NKD2: variants seen among roughly 807,000 people sequenced by gnomAD.
The protein encoded by NKD2 is NKD inhibitor of Wnt signaling pathway 2.
NKD2 carries 43 observed loss-of-function variants against 34.8 expected under a neutral mutation model. That is an observed-to-expected ratio of 1.24 (90% CI 0.97 to 1.60). The LOEUF is 1.60. Among genes scored for constraint, NKD2 ranks in the 40% most tolerant of loss-of-function variants. The pLI, the probability that NKD2 is intolerant of heterozygous loss-of-function variation, is 0.00. For missense variants in NKD2, 675 were observed against 627.1 expected (o/e 1.08, Z -0.82); for synonymous variants, 278 against 265.1 (o/e 1.05, Z -0.47).
intron 3 of NKD2, among the ~76,000 whole-genome samples, chr5:1,011,052 C>T (rs1021164043): frequency 1.3e-5 from 2 of 152,304 alleles, no homozygotes; most frequent in African/African-American, 4.8e-5. Context: ...TTAGACCTGC[C>T]ACTCTACACT....
chr5:1,034,224 T>TC lies in NKD2; in HGVS notation c.331-5dup, dbSNP rs1442117006. On this transcript the variant is annotated splice_polypyrimidine_tract_variant and intron_variant, in intron 5 of 9. Coordinates refer to ENST00000296849, the MANE Select transcript of NKD2 (RefSeq NM_033120.4). ...AGGAGGCGAGGTCCCGGCCCCCACG[T>TC]CCCCCCACAGGCACTCCAGTGCGAT... 3.1e-6 allele frequency: 5 copies of TC among 1,602,210 alleles called. No homozygotes were observed. The highest frequency in any genetic ancestry group is 2.2e-5 in the East Asian group (1 of 44,616).
chr5:1,032,402 G>A (rs558795695), intron 4 of NKD2, among the ~76,000 whole-genome samples, 190 bp downstream of exon 4: 4 of 152,368 alleles, frequency 2.6e-5, no homozygotes, highest in South Asian at 4.1e-4. Context: ...TGGCAGCTGC[G>A]ATCTGGCAGC....
At chr5:1,037,396 C>T (rs528412332) in intron 9 of NKD2, 27 of 875,240 alleles carry the variant, frequency 3.1e-5, no homozygotes, top group East Asian at 1.6e-4. Flanking sequence ...TCGCACTGCA[C>T]GTTGTGAAGG....
Position 1,034,817 on chromosome 5 carries a change from C to T in NKD2, c.488C>T (p.Ser163Leu), listed in dbSNP as rs780726434. Residue 163 changes from serine (S) to leucine (L), a missense_variant, in exon 7 of 10, where the codon TCG becomes TTG. By Grantham distance (145) the Ser-to-Leu change is moderately radical. Transcript: ENST00000296849. ...GTGGATGCCTCGGTCAACCACTCCT[C>T]GGGCAGCAGCAAGACCCTCCGTGTG... is the stretch of plus-strand genomic sequence containing the variant. ...EVVDASVNHS[S>L]GSSKTLRVKL... 19 of 1,612,688 alleles carry T rather than the reference C, an allele frequency of 1.2e-5. No individual in the cohort carries two copies. Among genetic ancestry groups the T allele is most frequent in the South Asian group, 9.9e-5 (9 of 91,088 alleles).
chr5:1,034,367 T>A, intron 6 of NKD2, 37 bp downstream of exon 6: 1 of 1,519,492 alleles, frequency 6.6e-7, no homozygotes, highest in Non-Finnish European at 9.1e-7. Context: ...TCCACAGTAG[T>A]AGACAGACGG....
chr5:1,032,355 A>T (rs1756679554), intron 4 of NKD2, 143 bp downstream of exon 4: 1 of 693,262 alleles, frequency 1.4e-6, no homozygotes, highest in South Asian at 1.6e-5. Context: ...GTTCTTAAAA[A>T]GCCTTGGCAG....
chr5:1,036,534 AC>A, intron 9 of NKD2, 150 bp downstream of exon 9: 1 of 608,364 alleles, frequency 1.6e-6, no homozygotes, highest in Non-Finnish European at 2.7e-6. Flanking sequence ...CCAGGACGGC[AC>A]CCAGGTCCTT....
At chr5:1,019,731 A>G (rs994746637) in intron 3 of NKD2, among the ~76,000 whole-genome samples, 2 of 152,192 alleles carry the variant, frequency 1.3e-5, no homozygotes, top group African/African-American at 4.8e-5. Flanking sequence ...ATGTTCACAT[A>G]TGGTGTCTTC....
At chr5:1,023,823 G>A (rs1756297289) in intron 3 of NKD2, among the ~76,000 whole-genome samples, 2 of 7,692 alleles carry the variant, frequency 2.6e-4, no homozygotes, top group Admixed American at 7.3e-3. Context: ...CGCTGTGGGC[G>A]TCCCAGCCCA....
chr5:1,037,859 A>AGGCCCG lies in NKD2; in HGVS notation c.844_849dup (p.Ala282_Arg283dup). The stretch of plus-strand genomic sequence containing the variant: ...CCCCAGGGCAGGGCCTCGCACCTCC[A>AGGCCCG]GGCCCGGTCCCGCTCCCAGGAGCCA... On this transcript the variant is annotated inframe_insertion, in exon 10 of 10. Coordinates refer to ENST00000296849, the MANE Select transcript of NKD2 (RefSeq NM_033120.4). 6.3e-7 allele frequency: 1 copy of AGGCCCG among 1,599,658 alleles called. No homozygotes were observed. The highest frequency in any genetic ancestry group is 8.5e-7 in the Non-Finnish European group (1 of 1,176,640).
intron 6 of NKD2, among the ~76,000 whole-genome samples, 185 bp from the exon 7 acceptor site, chr5:1,034,571 G>A (rs572116242): frequency 2.0e-5 from 3 of 152,336 alleles, no homozygotes; most frequent in East Asian, 3.9e-4. Context: ...CACTGGAGGC[G>A]CTCACAGGGC....
rs755863966 is a variant in NKD2, at chr5:1,033,468, G to A, written c.299G>A (p.Arg100Gln). Residue 100 changes from arginine (R) to glutamine (Q), a missense_variant, in exon 5 of 10, where the codon CGA (arginine) becomes CAA (glutamine). Transcript: ENST00000296849. ...GERAANREGPRGPGGQRLNID... is the reference protein window; with the variant it reads ...GERAANREGPQGPGGQRLNID... Reference sequence around the variant, plus strand: ...AGGGCAGCAAACCGCGAGGGCCCGCGAGGACCGGGCGGGCAGCGCCTCAAC... The same window carrying A: ...AGGGCAGCAAACCGCGAGGGCCCGCAAGGACCGGGCGGGCAGCGCCTCAAC... 10 of 1,555,480 alleles carry A rather than the reference G, an allele frequency of 6.4e-6. No homozygotes were observed. The highest frequency in any genetic ancestry group is 3.6e-5 in the South Asian group (3 of 84,434).
intron 3 of NKD2, among the ~76,000 whole-genome samples, chr5:1,019,363 C>T (rs1455495281): frequency 6.6e-6 from 1 of 152,210 alleles, no homozygotes; most frequent in Non-Finnish European, 1.5e-5. Flanking sequence ...TTTTACCTCT[C>T]ACGCGGGGGT....
chr5:1,034,351 G>A (rs375403675), intron 6 of NKD2, 21 bp downstream of exon 6: 163 of 1,586,406 alleles, frequency 1.0e-4, no homozygotes, highest in Non-Finnish European at 1.3e-4. Context: ...TTGTGTTTGC[G>A]TCAGGTCCAC....
intron 6 of NKD2, 136 bp from the exon 7 acceptor site, chr5:1,034,620 T>G: frequency 2.1e-6 from 2 of 946,550 alleles, no homozygotes; most frequent in Non-Finnish European, 3.2e-6. Flanking sequence ...AAGATGCCTG[T>G]GTTGGTTCCT....
In NKD2 at chr5:1,038,650, G is replaced by T. The variant is rs898499213; in HGVS notation, c.*277G>T. On this transcript the variant is annotated 3_prime_UTR_variant, in exon 10 of 10. Coordinates refer to ENST00000296849, the MANE Select transcript of NKD2 (RefSeq NM_033120.4). The surrounding 1 kb of genome is among the most constrained non-coding windows in gnomAD (Gnocchi z 4.5). ...TGTTTCCTGGCTCTAAGGCTCGTCT[G>T]TGTAACCCATAAAACCTGCTTTGAT... 9.0e-6 allele frequency: 6 copies of T among 669,758 alleles called. No individual in the cohort carries two copies. Among genetic ancestry groups the T allele is most frequent in the Non-Finnish European group, 1.6e-5 (6 of 382,326 alleles). 41.5% of individuals were successfully genotyped at this position (669,758 alleles called of 1,614,324 possible).
intron 3 of NKD2, among the ~76,000 whole-genome samples, chr5:1,029,590 G>A (rs1000112320): frequency 4.6e-5 from 7 of 152,154 alleles, no homozygotes; most frequent in Non-Finnish European, 8.8e-5. Context: ...AACACGGCAC[G>A]GGCTGCGTTT....
intron 3 of NKD2, among the ~76,000 whole-genome samples, chr5:1,019,093 C>T (rs1327016228): frequency 6.6e-6 from 1 of 152,138 alleles, no homozygotes; most frequent in Non-Finnish European, 1.5e-5. Flanking sequence ...GCTGTGATTG[C>T]CTCTAGCTCT....
At chr5:1,035,992 C>A in intron 8 of NKD2, 1 of 597,586 alleles carries the variant, frequency 1.7e-6, no homozygotes, top group Non-Finnish European at 2.5e-6. Flanking sequence ...GGTGCCACTA[C>A]AGCATGAGCC....
Sources: gnomAD v4.1 joint callset for allele counts (sites outside exome capture counted in the v4.1 genomes callset) on GRCh38, gnomAD v4.1.1 for gene constraint, Gnocchi (gnomAD v3.1) non-coding constraint, MANE v1.5 for transcripts, NCBI Gene and HGNC (gene_info 2026-07-23, HGNC 2026-07-21) for gene names.